MYH13: variants seen among roughly 807,000 people sequenced by gnomAD.
The protein encoded by MYH13 is myosin-13.
In MYH13, 177 loss-of-function variants were observed where a neutral mutation model predicts 232.1. The ratio of observed to expected loss-of-function variants is 0.76; its 90% CI spans 0.67 to 0.86. The LOEUF is 0.86. Ranked by LOEUF, MYH13 falls within the 40% of genes least tolerant of loss-of-function variation. The pLI, the probability that MYH13 is intolerant of heterozygous loss-of-function variation, is 0.00. For missense variants in MYH13, 2,246 were observed against 2,405.9 expected, an observed-to-expected ratio of 0.93 and a Z score of 1.39; for synonymous variants, 884 against 923.5, an observed-to-expected ratio of 0.96 and a Z score of 0.78.
intron 33 of MYH13, among the ~76,000 whole-genome samples, chr17:10,310,590 A>G (rs1906475887): frequency 6.6e-6 from 1 of 152,152 alleles, no homozygotes; most frequent in Non-Finnish European, 1.5e-5. Flanking sequence ...GAGGGTATCT[A>G]TTATAATAGT....
intron 27 of MYH13, among the ~76,000 whole-genome samples, 155 bp from the exon 28 acceptor site, chr17:10,316,180 G>A (rs1014840246): frequency 4.6e-5 from 7 of 152,302 alleles, no homozygotes; most frequent in South Asian, 2.1e-4. Context: ...ATCATAATCG[G>A]CCAGGCGCAG....
intron 1 of MYH13, 32 bp downstream of exon 1, chr17:10,372,947 G>A (rs1400010521): frequency 6.6e-6 from 1 of 152,000 alleles, no homozygotes; most frequent in East Asian, 1.9e-4. Context: ...TAGCTACGTG[G>A]AGCAAAAAAG....
chr17:10,318,730 A>AGG, intron 27 of MYH13, 60 bp downstream of exon 27: 2 of 1,599,332 alleles, frequency 1.3e-6, no homozygotes, highest in Non-Finnish European at 1.7e-6. Flanking sequence ...ACACGTGCCC[A>AGG]GGGGCAGGTG....
At chr17:10,316,185 G>A (rs1906705466) in intron 27 of MYH13, among the ~76,000 whole-genome samples, 160 bp from the exon 28 acceptor site, 1 of 152,202 alleles carries the variant, frequency 6.6e-6, no homozygotes, top group African/African-American at 2.4e-5. Context: ...AATCGGCCAG[G>A]CGCAGTGGCT....
chr17:10,346,632 C>A, intron 13 of MYH13, 48 bp downstream of exon 13: 1 of 1,464,700 alleles, frequency 6.8e-7, no homozygotes, highest in Non-Finnish European at 9.5e-7. Context: ...GATAATGGCT[C>A]AAATAGCAAA....
intron 16 of MYH13, 148 bp downstream of exon 16, chr17:10,343,652 A>G (rs897939268): frequency 2.1e-6 from 2 of 935,722 alleles, no homozygotes; most frequent in East Asian, 5.3e-5. Flanking sequence ...AGGAAGAATA[A>G]GAGCAGGAGG....
In MYH13 at chr17:10,300,909, C is replaced by T. The variant is rs962970768; in HGVS notation, c.*42G>A. On this transcript the variant is annotated 3_prime_UTR_variant, in exon 41 of 41. Transcript: ENST00000252172. ...TTATTTCTCACACATTTTCCCTCCA[C>T]TCTCTCGGAGGTGTCCCATGGCAAC... 1.2e-5 allele frequency: 20 copies of T among 1,600,164 alleles called. No homozygotes were observed. Among genetic ancestry groups the T allele is most frequent in the Non-Finnish European group, 1.6e-5 (19 of 1,172,630 alleles).
intron 12 of MYH13, among the ~76,000 whole-genome samples, chr17:10,347,373 AAATT>A (rs943169271): frequency 3.9e-5 from 6 of 152,160 alleles, no homozygotes; most frequent in Non-Finnish European, 7.3e-5. Context: ...CTCAAAAAAA[AAATT>A]AATTAATTAC....
Position 10,312,094 on chromosome 17 carries a change from G to A in MYH13, c.4366-18C>T, listed in dbSNP as rs147487203. The A allele has an allele frequency of 9.2e-3, 14,811 of 1,612,824 alleles. 126 individuals are homozygous for A. The highest frequency in any genetic ancestry group is 9.6e-3 in the Non-Finnish European group (11,307 of 1,179,758). On this transcript the variant is annotated intron_variant, in intron 31 of 40. Coordinates refer to ENST00000252172, the MANE Select transcript of MYH13 (RefSeq NM_003802.3). Reference sequence around the variant, plus strand: ...GCAAGGACCTGGGAGATGACAAAGGGACATGGGAGAAGCAGAAAGCAGGGG... The same window carrying A: ...GCAAGGACCTGGGAGATGACAAAGGAACATGGGAGAAGCAGAAAGCAGGGG...
chr17:10,301,074 T>C, intron 40 of MYH13, 109 bp from the exon 41 acceptor site: 1 of 1,001,880 alleles, frequency 1.0e-6, no homozygotes, highest in South Asian at 1.3e-5. Context: ...AGAGGAATAT[T>C]AAGGAATGGC....
chr17:10,300,883 T>C lies in MYH13; in HGVS notation c.*68A>G. 1 of 1,517,314 alleles carries C rather than the reference T, an allele frequency of 6.6e-7. No individual in the cohort carries two copies. Among genetic ancestry groups the C allele is most frequent in the Middle Eastern group, 1.7e-4 (1 of 5,776 alleles). 94.0% of individuals were successfully genotyped at this position (1,517,314 alleles called of 1,614,324 possible). A position where few individuals can be genotyped will look rare whatever the true frequency, so the allele number is the denominator to read the frequency against. On this transcript the variant is annotated 3_prime_UTR_variant, in exon 41 of 41. Coordinates refer to ENST00000252172, the MANE Select transcript of MYH13 (RefSeq NM_003802.3). The stretch of plus-strand genomic sequence containing the variant: ...CCGGGAATCCGAGTATTTAGGAGAA[T>C]TTATTTCTCACACATTTTCCCTCCA...
intron 19 of MYH13, 124 bp downstream of exon 19, chr17:10,332,950 A>G: frequency 1.3e-6 from 1 of 791,986 alleles, no homozygotes. Context: ...CTAGCAAGAG[A>G]TGAAGTCTGT....
At chr17:10,369,189 A>G (rs2071860712) in intron 2 of MYH13, among the ~76,000 whole-genome samples, 1 of 152,242 alleles carries the variant, frequency 6.6e-6, no homozygotes, top group Non-Finnish European at 1.5e-5. Context: ...TTAAACTGCA[A>G]TGCTTCTTTC....
At chr17:10,372,491 A>C (rs2071884447) in intron 1 of MYH13, among the ~76,000 whole-genome samples, 1 of 152,234 alleles carries the variant, frequency 6.6e-6, no homozygotes, top group East Asian at 1.9e-4. Flanking sequence ...AAACCAGTCA[A>C]TTCATATCAG....
At chr17:10,346,576 C>T in intron 13 of MYH13, 104 bp downstream of exon 13, 2 of 778,774 alleles carry the variant, frequency 2.6e-6, no homozygotes, top group Non-Finnish European at 4.0e-6. Flanking sequence ...AATGTGAAAG[C>T]TGATTTCATG....
chr17:10,324,368 A>T (rs916853172), intron 22 of MYH13, 104 bp from the exon 23 acceptor site: 324 of 1,423,970 alleles, frequency 2.3e-4, no homozygotes, highest in Non-Finnish European at 2.7e-4. Context: ...TAAGCCAAGA[A>T]ATGGGTCATG....
chr17:10,345,803 G>A (rs964332544), intron 13 of MYH13, among the ~76,000 whole-genome samples, 187 bp from the exon 14 acceptor site: 6 of 151,936 alleles, frequency 3.9e-5, no homozygotes, highest in Non-Finnish European at 7.4e-5. Flanking sequence ...GACCATCCTG[G>A]CCAACATGGT....
intron 3 of MYH13, 44 bp from the exon 4 acceptor site, chr17:10,362,547 GTGCCCACAT>G (rs756905201): frequency 6.2e-7 from 1 of 1,612,896 alleles, no homozygotes; most frequent in South Asian, 1.1e-5. Context: ...GGTGAGCCAA[GTGCCCACAT>G]TGCACTTTAC....
intron 27 of MYH13, 151 bp downstream of exon 27, chr17:10,318,639 A>G (rs2074870): frequency 0.13 from 127,869 of 1,021,534 alleles, 10,715 homozygotes; most frequent in South Asian, 0.31. Context: ...GGACGTGAGT[A>G]AATTTGAGGA....
Sources: gnomAD v4.1 joint callset for allele counts (sites outside exome capture counted in the v4.1 genomes callset) on GRCh38, gnomAD v4.1.1 for gene constraint, MANE v1.5 for transcripts, NCBI Gene and HGNC (gene_info 2026-07-23, HGNC 2026-07-21) for gene names.